Variants in AZGP1 observed in about 807,000 individuals in gnomAD.
AZGP1 encodes zinc-alpha-2-glycoprotein.
A neutral mutation model predicts 31.5 loss-of-function variants in AZGP1; 28 were observed. The ratio of observed to expected loss-of-function variants is 0.89; its 90% CI spans 0.66 to 1.22. AZGP1 has a LOEUF of 1.22. AZGP1 is among the 50% of genes most tolerant of loss of function. AZGP1 has a pLI of 0.00. For synonymous variants in AZGP1, 135 were observed against 145.4 expected (o/e 0.93, Z 0.51); for missense variants, 361 against 371.8 (o/e 0.97, Z 0.24).
Position 99,971,938 on chromosome 7 carries a change from C to T in AZGP1, c.145G>A (p.Ala49Thr), listed in dbSNP as rs1789584593. Reference sequence around the variant, plus strand: ...TGGAGGTCATTGAGTGAGCCAAGGGCCTGAAACGCGGGGACGTCTTCAACA... The same window carrying T: ...TGGAGGTCATTGAGTGAGCCAAGGGTCTGAAACGCGGGGACGTCTTCAACA... ...KHVEDVPAFQ[A>T]LGSLNDLQFF... Residue 49 changes from alanine (A) to threonine (T), a missense_variant, in exon 2 of 4, where the codon GCC (alanine) becomes ACC (threonine). Coordinates refer to ENST00000292401, the MANE Select transcript of AZGP1 (RefSeq NM_001185.4). 6.2e-7 allele frequency: 1 copy of T among 1,614,034 alleles called. No individual in the cohort carries two copies. Among genetic ancestry groups the T allele is most frequent in the African/African-American group, 1.3e-5 (1 of 74,930 alleles).
rs1324698275 is a variant in AZGP1, at chr7:99,966,964, C to T, written c.*39G>A. 6.3e-7 allele frequency: 1 copy of T among 1,596,738 alleles called. No homozygotes were observed. Among genetic ancestry groups the T allele is most frequent in the Admixed American group, 1.7e-5 (1 of 58,660 alleles). ...CCACATCAGGCAGGAAGGGCAGCTA[C>T]TGGGTCTGAGATCCCACATTGCCTC... On this transcript the variant is annotated 3_prime_UTR_variant, in exon 4 of 4. Coordinates refer to ENST00000292401, the MANE Select transcript of AZGP1 (RefSeq NM_001185.4).
intron 1 of AZGP1, among the ~76,000 whole-genome samples, chr7:99,972,508 T>A (rs1388788489): frequency 6.6e-6 from 1 of 152,180 alleles, no homozygotes; most frequent in African/African-American, 2.4e-5. Context: ...GAATCTGACA[T>A]GCGTTAGAAA....
At position 99,968,334 on chromosome 7, in the gene AZGP1, A is replaced by G. The variant is rs1011325377; in HGVS notation, c.434T>C (p.Ile145Thr). The G allele has an allele frequency of 9.3e-6, 15 of 1,613,566 alleles. No individual in the cohort carries two copies. The highest frequency in any genetic ancestry group is 1.1e-5 in the South Asian group (1 of 91,044). The change falls in exon 3 of 4, where the codon ATT (isoleucine) becomes ACT (threonine). Residue 145 changes from isoleucine (I) to threonine (T), a missense_variant. Transcript: ENST00000292401. ...GGCTGGGATTTCTTTGTTGAATTCA[A>G]TGTAGTCCTTTCCATCATAGTAATA... ...WKYYYDGKDY[I>T]EFNKEIPAWV... is the part of the protein sequence containing the mutation.
At chr7:99,975,722 G>A (rs937995220) in intron 1 of AZGP1, among the ~76,000 whole-genome samples, 1 of 152,134 alleles carries the variant, frequency 6.6e-6, no homozygotes, top group African/African-American at 2.4e-5. Flanking sequence ...GTAAACTAGG[G>A]GTTTTAGATT....
intron 1 of AZGP1, among the ~76,000 whole-genome samples, chr7:99,972,887 G>A (rs1789602632): frequency 1.3e-5 from 2 of 152,128 alleles, no homozygotes; most frequent in East Asian, 3.9e-4. Context: ...GGGGGCCGAG[G>A]CGGGTGGATC....
chr7:99,975,836 C>CGTATGCCAGG, intron 1 of AZGP1, 109 bp downstream of exon 1: 1 of 1,228,276 alleles, frequency 8.1e-7, no homozygotes. Context: ...CCATTCCTGC[C>CGTATGCCAGG]GTATGCCAGG....
intron 1 of AZGP1, among the ~76,000 whole-genome samples, chr7:99,973,559 T>C (rs1388741346): frequency 6.6e-6 from 1 of 151,946 alleles, no homozygotes; most frequent in Non-Finnish European, 1.5e-5. Flanking sequence ...GGGTGGTTAA[T>C]GGGTACAAAA....
At chr7:99,975,151 C>G (rs77193173) in intron 1 of AZGP1, among the ~76,000 whole-genome samples, 2 of 151,908 alleles carry the variant, frequency 1.3e-5, no homozygotes, top group Non-Finnish European at 2.9e-5. Context: ...TGTATGTGTA[C>G]GTACATATAT....
At chr7:99,967,476 C>T (rs907361673) in intron 3 of AZGP1, 190 bp from the exon 4 acceptor site, 3 of 639,794 alleles carry the variant, frequency 4.7e-6, no homozygotes, top group Non-Finnish European at 8.1e-6. Flanking sequence ...CCAATCCCCA[C>T]CTCACCCATG....
chr7:99,967,707 C>G (rs781450195), intron 3 of AZGP1: 1 of 417,728 alleles, frequency 2.4e-6, no homozygotes, highest in African/African-American at 2.0e-5. Flanking sequence ...TCCGCTCACA[C>G]TGGCTTGCTC....
chr7:99,968,029 T>C (rs760531008), intron 3 of AZGP1, 126 bp downstream of exon 3: 45 of 1,266,898 alleles, frequency 3.6e-5, no homozygotes, highest in Non-Finnish European at 4.6e-5. Context: ...TCCTAAAAGA[T>C]GAAAGCTGGG....
rs1263579996 is a variant in AZGP1 at position 99,966,975 on chromosome 7, A to T, written c.*28T>A. 1 of 1,605,084 alleles carries T rather than the reference A, an allele frequency of 6.2e-7. No homozygotes were observed. Among genetic ancestry groups the T allele is most frequent in the Admixed American group, 1.7e-5 (1 of 59,376 alleles). ...AGGAAGGGCAGCTACTGGGTCTGAGATCCCACATTGCCTCCAACCCTTGCT... is the reference window on the plus strand; with the variant it reads ...AGGAAGGGCAGCTACTGGGTCTGAGTTCCCACATTGCCTCCAACCCTTGCT... On this transcript the variant is annotated 3_prime_UTR_variant, in exon 4 of 4. Coordinates refer to ENST00000292401, the MANE Select transcript of AZGP1 (RefSeq NM_001185.4).
intron 2 of AZGP1, 159 bp downstream of exon 2, chr7:99,971,587 G>A (rs1789578038): frequency 2.3e-6 from 2 of 871,950 alleles, no homozygotes; most frequent in South Asian, 3.5e-5. Flanking sequence ...CCTGTGCTGT[G>A]GGGTGGGTGG....
chr7:99,970,899 G>A (rs1189913089), intron 2 of AZGP1, among the ~76,000 whole-genome samples: 1 of 152,204 alleles, frequency 6.6e-6, no homozygotes, highest in Non-Finnish European at 1.5e-5. Context: ...CTTGGGGCTG[G>A]CAGTGTGGTT....
chr7:99,968,753 A>G (rs1044328725), intron 2 of AZGP1: 2 of 328,204 alleles, frequency 6.1e-6, no homozygotes, highest in African/African-American at 4.4e-5. Context: ...GCTTGAGCCC[A>G]GGGGTTCCAG....
intron 2 of AZGP1, among the ~76,000 whole-genome samples, chr7:99,971,212 G>A (rs1789571087): frequency 6.6e-6 from 1 of 152,236 alleles, no homozygotes; most frequent in African/African-American, 2.4e-5. Flanking sequence ...AGGACAGACT[G>A]TGACATCCTT....
At chr7:99,975,450 C>T (rs1309635894) in intron 1 of AZGP1, among the ~76,000 whole-genome samples, 1 of 152,146 alleles carries the variant, frequency 6.6e-6, no homozygotes, top group Non-Finnish European at 1.5e-5. Context: ...TCCAGCCACT[C>T]GCCTTCCAGA....
At chr7:99,967,493 C>A in intron 3 of AZGP1, 2 of 608,846 alleles carry the variant, frequency 3.3e-6, no homozygotes, top group South Asian at 4.1e-5. Flanking sequence ...CATGTATTGA[C>A]TCTGACGGCA....
At chr7:99,971,654 C>A in intron 2 of AZGP1, 92 bp downstream of exon 2, 1 of 1,454,978 alleles carries the variant, frequency 6.9e-7, no homozygotes, top group South Asian at 1.3e-5. Flanking sequence ...GGGATTGGGA[C>A]TATTTCCATC....
Sources: allele counts gnomAD v4.1 joint callset (sites outside exome capture counted in the v4.1 genomes callset), GRCh38; gene constraint gnomAD v4.1.1; transcripts MANE v1.5; gene names NCBI Gene and HGNC (gene_info 2026-07-23, HGNC 2026-07-21).